The following APLF variants were observed in gnomAD, a reference collection of about 807,000 sequenced individuals.
The protein encoded by APLF is aprataxin and PNK-like factor.
A neutral mutation model predicts 55.6 loss-of-function variants in APLF; 61 were observed. The observed-to-expected ratio is 1.10, with a 90% CI of 0.89 to 1.36. APLF has a LOEUF of 1.36. Among genes scored for constraint, APLF ranks in the 40% most tolerant of loss-of-function variants. The pLI, the probability that APLF is intolerant of heterozygous loss-of-function variation, is 0.00. For synonymous variants in APLF, 207 were observed against 214.8 expected (o/e 0.96, Z 0.32); for missense variants, 611 against 602.5 (o/e 1.01, Z -0.15).
At chr2:68,515,022 C>G (rs1669537819) in intron 5 of APLF, among the ~76,000 whole-genome samples, 1 of 151,698 alleles carries the variant, frequency 6.6e-6, no homozygotes, top group African/African-American at 2.4e-5. Flanking sequence ...AATTACTACT[C>G]AGTGCTTTGT....
intron 9 of APLF, among the ~76,000 whole-genome samples, chr2:68,577,195 G>T (rs1179948901): frequency 6.6e-6 from 1 of 152,156 alleles, no homozygotes; most frequent in African/African-American, 2.4e-5. Context: ...TGCTAGGTTT[G>T]CTGTGATAAC....
intron 5 of APLF, among the ~76,000 whole-genome samples, chr2:68,518,910 AAAT>A (rs1237825517): frequency 1.6e-3 from 200 of 125,540 alleles, no homozygotes; most frequent in African/African-American, 4.8e-3. Context: ...ATATATAATA[AAAT>A]AATAATATAT....
intron 8 of APLF, among the ~76,000 whole-genome samples, chr2:68,555,611 A>G (rs1020767933): frequency 2.6e-5 from 4 of 152,110 alleles, no homozygotes; most frequent in Non-Finnish European, 5.9e-5. Context: ...GCTAATGATC[A>G]GGGAAATGCT....
At chr2:68,518,544 A>C (rs1305620763) in intron 5 of APLF, among the ~76,000 whole-genome samples, 6 of 119,172 alleles carry the variant, frequency 5.0e-5, no homozygotes, top group Non-Finnish European at 8.0e-5. Context: ...ATATATAATA[A>C]TATATCAATA....
In APLF at chr2:68,537,978, T is replaced by A; in HGVS notation, c.911T>A (p.Val304Asp). The stretch of plus-strand genomic sequence containing the variant: ...CTTCCAATAGAGGAACTTGGTAAAG[T>A]TTCTAAACATAAAATTGCCACTAAA... ...NKLPIEELGK[V>D]SKHKIATKRT... The change falls in exon 7 of 10, where the codon GTT (valine) becomes GAT (aspartate). Residue 304 changes from valine (V) to aspartate (D), a missense_variant. Transcript: ENST00000303795. 6.2e-7 allele frequency: 1 copy of A among 1,613,882 alleles called. No homozygotes were observed. Among genetic ancestry groups the A allele is most frequent in the Non-Finnish European group, 8.5e-7 (1 of 1,179,908 alleles).
chr2:68,534,828 C>T (rs1019913701), intron 6 of APLF, among the ~76,000 whole-genome samples: 17 of 152,212 alleles, frequency 1.1e-4, no homozygotes, highest in African/African-American at 3.9e-4. Context: ...TGTTCCCTCA[C>T]TCGTCAGTTC....
chr2:68,568,290 A>G (rs774360547), intron 9 of APLF: 94 of 985,274 alleles, frequency 9.5e-5, no homozygotes, highest in Non-Finnish European at 1.1e-4. Context: ...TAAAATGCAT[A>G]CTATCCAGGC....
intron 5 of APLF, among the ~76,000 whole-genome samples, chr2:68,517,794 AATAT>A (rs1669670866): frequency 6.9e-6 from 1 of 145,300 alleles, no homozygotes; most frequent in Non-Finnish European, 1.5e-5. Context: ...ATATAATGTT[AATAT>A]ATAACAGTAA....
At chr2:68,539,615 A>G (rs1670492432) in intron 7 of APLF, among the ~76,000 whole-genome samples, 1 of 152,212 alleles carries the variant, frequency 6.6e-6, no homozygotes, top group Non-Finnish European at 1.5e-5. Flanking sequence ...GAGGTGGGGA[A>G]CAATGCACTT....
chr2:68,488,523 T>A (rs1269369165), intron 1 of APLF, among the ~76,000 whole-genome samples: 1 of 151,758 alleles, frequency 6.6e-6, no homozygotes, highest in African/African-American at 2.4e-5. Flanking sequence ...TATGTAGAGA[T>A]GGGGGTCTCA....
intron 1 of APLF, 132 bp downstream of exon 1, chr2:68,467,959 C>A: frequency 1.6e-6 from 1 of 616,002 alleles, no homozygotes; most frequent in South Asian, 8.9e-5. Flanking sequence ...AAGTTTGGGG[C>A]CGCACGTTTT....
chr2:68,514,119 A>C (rs1669499171), intron 5 of APLF, among the ~76,000 whole-genome samples: 1 of 151,702 alleles, frequency 6.6e-6, no homozygotes, highest in South Asian at 2.1e-4. Flanking sequence ...TAGTTATTGT[A>C]CTTTTCAGTT....
At chr2:68,472,964 C>T (rs1005418123) in intron 1 of APLF, among the ~76,000 whole-genome samples, 1 of 152,128 alleles carries the variant, frequency 6.6e-6, no homozygotes, top group Non-Finnish European at 1.5e-5. Context: ...CCCCGACTAT[C>T]AACATTCTAC....
intron 8 of APLF, among the ~76,000 whole-genome samples, chr2:68,561,474 C>T (rs1402141469): frequency 6.6e-6 from 1 of 152,070 alleles, no homozygotes; most frequent in Non-Finnish European, 1.5e-5. Context: ...GTGGAGGACT[C>T]TTGGTGTTTC....
chr2:68,523,585 C>T (rs909012307), intron 5 of APLF, among the ~76,000 whole-genome samples: 7 of 151,618 alleles, frequency 4.6e-5, no homozygotes, highest in African/African-American at 1.7e-4. Flanking sequence ...AGTAGTTCCT[C>T]TAGAAGGTAA....
In APLF at chr2:68,496,461, G is replaced by A. The variant is rs72900076; in HGVS notation, c.168+6200G>A. ...CTAGCAAGTGGTTGCTTCACAGCCT[G>A]CTTGAATCCTTCTCCTGAAAAAGCT... On this transcript the variant is annotated intron_variant, in intron 2 of 9. Transcript: ENST00000303795. 4.2e-3 allele frequency among the ~76,000 whole-genome samples: 642 copies of A among 152,206 alleles called. 5 individuals are homozygous for A. The highest frequency in any genetic ancestry group is 0.015 in the African/African-American group (616 of 41,534).
chr2:68,474,731 C>T (rs964052726), intron 1 of APLF, among the ~76,000 whole-genome samples: 5 of 152,064 alleles, frequency 3.3e-5, no homozygotes, highest in African/African-American at 4.8e-5. Context: ...TTCAATGGTG[C>T]GATCTTGGCT....
intron 7 of APLF, among the ~76,000 whole-genome samples, chr2:68,541,848 A>G (rs545101309): frequency 6.6e-6 from 1 of 152,318 alleles, no homozygotes; most frequent in African/African-American, 2.4e-5. Context: ...AATCTTGAAG[A>G]TGATCAAAGT....
chr2:68,509,100 C>T (rs1490288584), intron 3 of APLF, among the ~76,000 whole-genome samples: 1 of 152,094 alleles, frequency 6.6e-6, no homozygotes, highest in Admixed American at 6.6e-5. Context: ...AAATGTTAGA[C>T]CTAAAACCAT....
Sources: allele counts gnomAD v4.1 joint callset (sites outside exome capture counted in the v4.1 genomes callset), GRCh38; gene constraint gnomAD v4.1.1; transcripts MANE v1.5; gene names NCBI Gene and HGNC (gene_info 2026-07-23, HGNC 2026-07-21).